Variants in LRRC55 observed in about 807,000 individuals in gnomAD.
LRRC55 encodes the protein leucine rich repeat containing 55, also known as leucine-rich repeat-containing protein 55.
A neutral mutation model predicts 20.5 loss-of-function variants in LRRC55; 11 were observed. The observed-to-expected ratio is 0.54, with a 90% CI of 0.34 to 0.89. The LOEUF (loss-of-function observed/expected upper bound fraction) is 0.89, where lower values mean the gene tolerates loss of function less well. LRRC55 is among the 40% of genes least tolerant of loss of function. The probability of loss-of-function intolerance (pLI) is 0.02; values close to 1 mark genes in which losing one functional copy is unlikely to be tolerated. For synonymous variants in LRRC55, 188 were observed against 166.6 expected, an observed-to-expected ratio of 1.13 and a Z score of -0.99; for missense variants, 358 against 390.9, an observed-to-expected ratio of 0.92 and a Z score of 0.71.
rs1398670582 is a variant in LRRC55 at position 57,182,081 on chromosome 11, TG to T, written c.60del (p.Ile21SerfsTer9). 6.2e-7 allele frequency: 1 copy of T among 1,614,216 alleles called. No homozygotes were observed. Among genetic ancestry groups the T allele is most frequent in the Non-Finnish European group, 8.5e-7 (1 of 1,180,036 alleles). The part of the protein sequence containing the change: ...WPGPPHPAML[L>X]ISLLLAAGLM... ...GGGCCACCCCACCCAGCAATGCTGC[TG>T]ATCTCCCTCCTCTTGGCAGCCGGGT... On this transcript the variant is annotated frameshift_variant, in exon 1 of 2. Coordinates refer to ENST00000497933, the MANE Select transcript of LRRC55 (RefSeq NM_001005210.4). LOFTEE classifies it high-confidence loss of function.
Position 57,191,578 on chromosome 11 carries a change from T to A in LRRC55, c.*4098T>A, listed in dbSNP as rs879535234. On this transcript the variant is annotated 3_prime_UTR_variant, in exon 2 of 2. Transcript: ENST00000497933. ...CCTGTAATGTGCTAATGTCTGGGGG[T>A]GGGAGGGCTGGGGAGGGGTGGGGTT... 1 of 10,516 alleles carries A rather than the reference T, an allele frequency of 9.5e-5. No individual in the cohort carries two copies. Among genetic ancestry groups the A allele is most frequent in the Non-Finnish European group, 1.7e-4 (1 of 5,768 alleles). The allele number at this position is 10,516 out of a possible 1,614,324, so 0.7% of individuals were successfully genotyped here. A position where few individuals can be genotyped will look rare whatever the true frequency, so the allele number is the denominator to read the frequency against.
intron 1 of LRRC55, among the ~76,000 whole-genome samples, chr11:57,184,451 T>C (rs1272670114): frequency 1.3e-5 from 2 of 152,122 alleles, no homozygotes; most frequent in African/African-American, 2.4e-5. Context: ...AAGGGGACAG[T>C]GACTGTCCAC....
intron 1 of LRRC55, among the ~76,000 whole-genome samples, chr11:57,184,234 C>T (rs1452373685): frequency 6.6e-6 from 1 of 151,630 alleles, no homozygotes; most frequent in African/African-American, 2.4e-5. Context: ...GGCAGGCGCG[C>T]CTTCCCTCTC....
chr11:57,187,172 G>A, intron 1 of LRRC55, 73 bp from the exon 2 acceptor site: 1 of 1,308,814 alleles, frequency 7.6e-7, no homozygotes, highest in Non-Finnish European at 1.1e-6. Flanking sequence ...TTTCCAGCAA[G>A]CGGTTGTGGG....
Position 57,187,663 on chromosome 11 carries a change from G to A in LRRC55, c.*183G>A, listed in dbSNP as rs1281720169. 9.1e-6 allele frequency: 6 copies of A among 657,268 alleles called. No homozygotes were observed. The highest frequency in any genetic ancestry group is 1.3e-5 in the Non-Finnish European group (5 of 373,490). The allele number at this position is 657,268 out of a possible 1,614,324, so 40.7% of individuals were successfully genotyped here. A position where few individuals can be genotyped will look rare whatever the true frequency, so the allele number is the denominator to read the frequency against. ...GGCCAGGCGGCACGCTAGGAATTGG[G>A]AACATCAGATGAACTGACTCAGTCC... On this transcript the variant is annotated 3_prime_UTR_variant, in exon 2 of 2. Coordinates refer to ENST00000497933, the MANE Select transcript of LRRC55 (RefSeq NM_001005210.4).
chr11:57,185,567 G>A (rs1299146536), intron 1 of LRRC55, among the ~76,000 whole-genome samples: 2 of 151,918 alleles, frequency 1.3e-5, no homozygotes, highest in Non-Finnish European at 2.9e-5. Context: ...TTACAGGCAT[G>A]AGCCACTGTG....
At position 57,191,298 on chromosome 11, in the gene LRRC55, A is replaced by T. The variant is rs1854507756; in HGVS notation, c.*3818A>T. On this transcript the variant is annotated 3_prime_UTR_variant, in exon 2 of 2. Transcript: ENST00000497933. ...TCTTCAACCATGGGGGAAGACCTCC[A>T]GCTTCCATTTTCCCCTATACGTGTC... The T allele has an allele frequency of 6.6e-6, 1 of 152,230 alleles. No homozygotes were observed. The highest frequency in any genetic ancestry group is 1.5e-5 in the Non-Finnish European group (1 of 68,058). The allele number at this position is 152,230 out of a possible 1,614,324, so 9.4% of individuals were successfully genotyped here.
rs1439856458 is a variant in LRRC55 at position 57,182,449 on chromosome 11, G to C, written c.427G>C (p.Asp143His). ...GGAGGCCCATGGGCTAGTCCACATC[G>C]ACCTGAGCCACAACCCCTGGCTGCG... ...FQEAHGLVHIDLSHNPWLRRV... is the reference protein window; with the variant it reads ...FQEAHGLVHIHLSHNPWLRRV... Residue 143 changes from aspartate (D) to histidine (H), a missense_variant, in exon 1 of 2, where the codon GAC becomes CAC. Physicochemically the swap from Asp to His is moderately conservative, Grantham distance 81. Transcript: ENST00000497933. 1 of 1,611,818 alleles carries C rather than the reference G, an allele frequency of 6.2e-7. No homozygotes were observed. The highest frequency in any genetic ancestry group is 1.3e-5 in the African/African-American group (1 of 75,052).
chr11:57,182,536 G>T lies in LRRC55; in HGVS notation c.514G>T (p.Gly172Trp). ...GCTCCGAGACCTGGACCTCAGTTAT[G>T]GGGGCCTGGCCTTCCTCAGCCTGGA... ...MQLRDLDLSY[G>W]GLAFLSLEAL... Residue 172 changes from glycine (G) to tryptophan (W), a missense_variant, in exon 1 of 2, where the codon GGG (glycine) becomes TGG (tryptophan). Gly to Trp is a radical substitution (Grantham distance 184, BLOSUM62 -2). Coordinates refer to ENST00000497933, the MANE Select transcript of LRRC55 (RefSeq NM_001005210.4). 1.3e-6 allele frequency: 2 copies of T among 1,583,118 alleles called. No homozygotes were observed. Among genetic ancestry groups the T allele is most frequent in the Non-Finnish European group, 1.7e-6 (2 of 1,161,746 alleles).
At chr11:57,186,842 T>G (rs1590778274) in intron 1 of LRRC55, among the ~76,000 whole-genome samples, 1 of 152,108 alleles carries the variant, frequency 6.6e-6, no homozygotes, top group Non-Finnish European at 1.5e-5. Context: ...GGACATCAGG[T>G]TTGAAAGAAC....
chr11:57,184,442 A>AG (rs1854402889), intron 1 of LRRC55, among the ~76,000 whole-genome samples: 1 of 152,204 alleles, frequency 6.6e-6, no homozygotes, highest in East Asian at 1.9e-4. Context: ...GAGCTCCAGA[A>AG]GGGGACAGTG....
At chr11:57,185,265 CTT>C (rs1854415653) in intron 1 of LRRC55, among the ~76,000 whole-genome samples, 2 of 94,196 alleles carry the variant, frequency 2.1e-5, no homozygotes, top group Non-Finnish European at 4.3e-5. Context: ...CTTTTCTTTT[CTT>C]TTCTTTTTTT....
chr11:57,191,191 T>C lies in LRRC55; in HGVS notation c.*3711T>C, dbSNP rs1326317193. ...TCCCAGGGAACTTTGCAGAAATAGG[T>C]CTCCAGAGTTGCTACAGAGGTTCAT... On this transcript the variant is annotated 3_prime_UTR_variant, in exon 2 of 2. Transcript: ENST00000497933. The C allele has an allele frequency of 1.3e-5, 2 of 152,214 alleles. No homozygotes were observed. Among genetic ancestry groups the C allele is most frequent in the East Asian group, 3.9e-4 (2 of 5,178 alleles). 9.4% of individuals were successfully genotyped at this position (152,214 alleles called of 1,614,324 possible).
At position 57,190,536 on chromosome 11, in the gene LRRC55, T is replaced by C. The variant is rs1384953230; in HGVS notation, c.*3056T>C. On this transcript the variant is annotated 3_prime_UTR_variant, in exon 2 of 2. Coordinates refer to ENST00000497933, the MANE Select transcript of LRRC55 (RefSeq NM_001005210.4). ...ATATCCCTGGTGACCACAGGCTTCA[T>C]TCAAATTGTCCAAACTGGTTAACAT... 2.0e-5 allele frequency: 3 copies of C among 152,328 alleles called. No homozygotes were observed. Among genetic ancestry groups the C allele is most frequent in the Non-Finnish European group, 1.5e-5 (1 of 68,038 alleles). The allele number at this position is 152,328 out of a possible 1,614,324, so 9.4% of individuals were successfully genotyped here.
rs1854469827 is a variant in LRRC55 at position 57,188,893 on chromosome 11, A to G, written c.*1413A>G. 1 of 152,242 alleles carries G rather than the reference A, an allele frequency of 6.6e-6. No homozygotes were observed. The highest frequency in any genetic ancestry group is 1.5e-5 in the Non-Finnish European group (1 of 68,040). The allele number at this position is 152,242 out of a possible 1,614,324, so 9.4% of individuals were successfully genotyped here. On this transcript the variant is annotated 3_prime_UTR_variant, in exon 2 of 2. Transcript: ENST00000497933. ...TTTATTATCCCCATTTGACAGATGA[A>G]TTAATCGTAGAGAGTTGAGTGACTT...
rs559818936 is a variant in LRRC55, at chr11:57,187,141, C to T, written c.662-104C>T. ...GAATTCTTGGCACATGGAAGAACTT[C>T]AATGAATGTCTTTCTTACTTTTTCC... On this transcript the variant is annotated intron_variant, in intron 1 of 1. Transcript: ENST00000497933. The T allele has an allele frequency of 1.6e-4, 167 of 1,012,440 alleles. No individual in the cohort carries two copies. In the African/African-American group the frequency reaches 2.4e-3, roughly 14 times the overall value. The allele number at this position is 1,012,440 out of a possible 1,614,324, so 62.7% of individuals were successfully genotyped here.
intron 1 of LRRC55, among the ~76,000 whole-genome samples, chr11:57,183,997 A>G (rs2135333010): frequency 6.6e-6 from 1 of 152,324 alleles, no homozygotes; most frequent in African/African-American, 2.4e-5. Context: ...AGCTCAGCCC[A>G]TGTTGAGAAG....
chr11:57,187,245 A>C lies in LRRC55; in HGVS notation c.662A>C (p.Asp221Ala), dbSNP rs1223408940. Residue 221 changes from aspartate to alanine, a missense_variant and splice_region_variant, in exon 2 of 2, where the codon GAT becomes GCT. Transcript: ENST00000497933. The part of the protein sequence containing the change: ...LRNRIQRCTA[D>A]SQLAECRGPP... ...ACCCTCCCTGGCTTCTGTGTTACAGATTCTCAGCTGGCTGAGTGCCGGGGC... is the reference window on the plus strand; with the variant it reads ...ACCCTCCCTGGCTTCTGTGTTACAGCTTCTCAGCTGGCTGAGTGCCGGGGC... 6 of 1,612,812 alleles carry C rather than the reference A, an allele frequency of 3.7e-6. No individual in the cohort carries two copies. The African/African-American group carries it at 8.0e-5, about 22-fold the overall frequency.
In LRRC55 at chr11:57,191,071, A is replaced by G. The variant is rs567631852; in HGVS notation, c.*3591A>G. ...TGGGCCAAGAAAATTCCTTTTTAGA[A>G]GAGCCCTCATATCTGAATCACATCA... is the stretch of plus-strand genomic sequence containing the variant. On this transcript the variant is annotated 3_prime_UTR_variant, in exon 2 of 2. Coordinates refer to ENST00000497933, the MANE Select transcript of LRRC55 (RefSeq NM_001005210.4). 6.6e-6 allele frequency: 1 copy of G among 152,316 alleles called. No individual in the cohort carries two copies. The highest frequency in any genetic ancestry group is 2.1e-4 in the South Asian group (1 of 4,828). The allele number at this position is 152,316 out of a possible 1,614,324, so 9.4% of individuals were successfully genotyped here. A position where few individuals can be genotyped will look rare whatever the true frequency, so the allele number is the denominator to read the frequency against.
Sources: allele counts gnomAD v4.1 joint callset (sites outside exome capture counted in the v4.1 genomes callset), GRCh38; gene constraint gnomAD v4.1.1; transcripts MANE v1.5; gene names NCBI Gene and HGNC (gene_info 2026-07-23, HGNC 2026-07-21).